PCSK6: variants seen among roughly 807,000 people sequenced by gnomAD.
PCSK6 encodes proprotein convertase subtilisin/kexin type 6, also known as paired basic amino acid cleaving enzyme 4.
PCSK6 carries 85 observed loss-of-function variants against 123.3 expected under a neutral mutation model. The observed-to-expected ratio is 0.69, with a 90% CI of 0.58 to 0.83. PCSK6 has a LOEUF of 0.83. PCSK6 is among the 40% of genes least tolerant of loss of function. The probability of loss-of-function intolerance (pLI) is 0.00; values close to 1 mark genes in which losing one functional copy is unlikely to be tolerated. For synonymous variants in PCSK6, 508 were observed against 516.0 expected, an observed-to-expected ratio of 0.98 and a Z score of 0.21; for missense variants, 1,191 against 1,282.3, an observed-to-expected ratio of 0.93 and a Z score of 1.09.
intron 6 of PCSK6, among the ~76,000 whole-genome samples, chr15:101,415,640 G>C (rs1051351863): frequency 1.3e-5 from 2 of 152,154 alleles, no homozygotes; most frequent in Admixed American, 6.5e-5. Context: ...TGGTTTGGCT[G>C]TGTCCCCACC....
At chr15:101,448,542 C>T (rs888861950) in intron 1 of PCSK6, among the ~76,000 whole-genome samples, 3 of 152,234 alleles carry the variant, frequency 2.0e-5, no homozygotes, top group African/African-American at 7.2e-5. Context: ...ACAGCTGACG[C>T]TTGCTGGGCA....
At chr15:101,453,596 A>C (rs2057093732) in intron 1 of PCSK6, among the ~76,000 whole-genome samples, 1 of 152,162 alleles carries the variant, frequency 6.6e-6, no homozygotes, top group South Asian at 2.1e-4. Flanking sequence ...CGCTCTCCCG[A>C]GTTTTTAATA....
At chr15:101,310,610 C>G (rs1001252769) in intron 20 of PCSK6, among the ~76,000 whole-genome samples, 2 of 152,222 alleles carry the variant, frequency 1.3e-5, no homozygotes, top group Non-Finnish European at 2.9e-5. Flanking sequence ...AAGCGGGTGG[C>G]AAGTTTCCTC....
At chr15:101,310,239 C>T (rs2039824795) in intron 20 of PCSK6, among the ~76,000 whole-genome samples, 1 of 152,232 alleles carries the variant, frequency 6.6e-6, no homozygotes, top group Non-Finnish European at 1.5e-5. Flanking sequence ...GCACTGTCAG[C>T]CTCTGCAGGG....
At chr15:101,476,120 G>A (rs1379879210) in intron 1 of PCSK6, among the ~76,000 whole-genome samples, 1 of 152,130 alleles carries the variant, frequency 6.6e-6, no homozygotes, top group Non-Finnish European at 1.5e-5. Flanking sequence ...CTGTGCTTTT[G>A]TTTCCACATC....
At position 101,398,560 on chromosome 15, in the gene PCSK6, G is replaced by T; in HGVS notation, c.840C>A (p.Asp280Glu). 1 of 1,612,352 alleles carries T rather than the reference G, an allele frequency of 6.2e-7. No homozygotes were observed. The stretch of plus-strand genomic sequence containing the variant: ...CCTCGACCACATCTGTGACATCGCC[G>T]TCCAGCATGCGGATGCCTGAAAGCA... ...NAKIGGIRML[D>E]GDVTDVVEAK... The change falls in exon 7 of 22, where the codon GAC becomes GAA. Residue 280 changes from aspartate to glutamate, a missense_variant. Physicochemically the swap from Asp to Glu is conservative, Grantham distance 45 (BLOSUM62 2). This residue lies in a region of PCSK6 where 357 missense variants were observed against 484.5 expected (regional missense o/e 0.74). Coordinates refer to ENST00000611716, the MANE Select transcript of PCSK6 (RefSeq NM_002570.5). The surrounding 1 kb of genome is among the most constrained non-coding windows in gnomAD (Gnocchi z 4.6).
intron 13 of PCSK6, among the ~76,000 whole-genome samples, chr15:101,357,487 T>G (rs2041076341): frequency 6.6e-6 from 1 of 152,196 alleles, no homozygotes; most frequent in Non-Finnish European, 1.5e-5. Flanking sequence ...TCTGTCACCT[T>G]CCCAGGCTGA....
In PCSK6 at chr15:101,366,256, C is replaced by T. The variant is rs1373301873; in HGVS notation, c.1798G>A (p.Gly600Arg). ...TVHCWGEKAEGQWTLEIQDLP... is the reference protein window; with the variant it reads ...TVHCWGEKAERQWTLEIQDLP... ...TCTTGGATTTCCAAGGTCCACTGCC[C>T]TTCAGCCTTTTCTCCCCAGCAGTGG... Residue 600 changes from glycine (G) to arginine (R), a missense_variant, in exon 13 of 22, where the codon GGG (glycine) becomes AGG (arginine). Gly to Arg is a moderately radical substitution (Grantham distance 125). Around this residue, in one of 3 missense-constraint regions of PCSK6, gnomAD observed 630 missense variants for 631.4 expected, o/e 1.00. Coordinates refer to ENST00000611716, the MANE Select transcript of PCSK6 (RefSeq NM_002570.5). 6.2e-7 allele frequency: 1 copy of T among 1,613,812 alleles called. No individual in the cohort carries two copies. The highest frequency in any genetic ancestry group is 8.5e-7 in the Non-Finnish European group (1 of 1,179,796).
chr15:101,435,831 C>T (rs1251177034), intron 2 of PCSK6, among the ~76,000 whole-genome samples: 1 of 152,196 alleles, frequency 6.6e-6, no homozygotes, highest in Admixed American at 6.5e-5. Flanking sequence ...AGCAGAGACC[C>T]AGGAGGGGGC....
chr15:101,324,002 G>A lies in PCSK6; in HGVS notation c.2377+848C>T, dbSNP rs143570912. On this transcript the variant is annotated intron_variant, in intron 17 of 21. Coordinates refer to ENST00000611716, the MANE Select transcript of PCSK6 (RefSeq NM_002570.5). Reference sequence around the variant, plus strand: ...GCTTTTGTGTCTCCCAGGGCGAGGCGAATTACGAAAACATGGCATGGGGTC... The same window carrying A: ...GCTTTTGTGTCTCCCAGGGCGAGGCAAATTACGAAAACATGGCATGGGGTC... 3.2e-3 allele frequency among the ~76,000 whole-genome samples: 488 copies of A among 152,270 alleles called. 6 individuals carry two copies. Among genetic ancestry groups the A allele is most frequent in the Admixed American group, 0.015 (237 of 15,304 alleles).
chr15:101,315,450 A>G (rs138206726), intron 19 of PCSK6, among the ~76,000 whole-genome samples: 1 of 152,262 alleles, frequency 6.6e-6, no homozygotes, highest in African/African-American at 2.4e-5. Context: ...ACCCACAATC[A>G]TAGCAATAAG....
intron 1 of PCSK6, among the ~76,000 whole-genome samples, chr15:101,473,158 C>A (rs2057647593): frequency 6.6e-6 from 1 of 151,924 alleles, no homozygotes; most frequent in Non-Finnish European, 1.5e-5. Flanking sequence ...CACTGCATAG[C>A]CCTGACCTCC....
At chr15:101,399,695 G>A (rs2042528935) in intron 6 of PCSK6, among the ~76,000 whole-genome samples, 1 of 152,122 alleles carries the variant, frequency 6.6e-6, no homozygotes, top group Non-Finnish European at 1.5e-5. Flanking sequence ...GGTAATGACG[G>A]CCATGGACAC....
chr15:101,326,540 C>T (rs779073362), intron 15 of PCSK6, 61 bp from the exon 16 acceptor site: 145 of 1,434,034 alleles, frequency 1.0e-4, no homozygotes, highest in Middle Eastern at 5.2e-4. Context: ...ACTGCAGTCC[C>T]GCGGATCCCT....
chr15:101,453,700 C>G (rs1487483852), intron 1 of PCSK6, among the ~76,000 whole-genome samples: 1 of 152,186 alleles, frequency 6.6e-6, no homozygotes, highest in Admixed American at 6.5e-5. Context: ...AAGTGGGGAT[C>G]GAGACATTTG....
chr15:101,398,618 G>T lies in PCSK6; in HGVS notation c.824-42C>A, dbSNP rs1016968170. ...GGCTCGGTGTCGGCGCCCAGGCTCCGGGCACACAGCGACGGGAACCCGGGC... is the reference window on the plus strand; with the variant it reads ...GGCTCGGTGTCGGCGCCCAGGCTCCTGGCACACAGCGACGGGAACCCGGGC... On this transcript the variant is annotated intron_variant, in intron 6 of 21. Transcript: ENST00000611716. The surrounding 1 kb of genome is among the most constrained non-coding windows in gnomAD (Gnocchi z 4.6). 9 of 1,584,050 alleles carry T rather than the reference G, an allele frequency of 5.7e-6. No individual in the cohort carries two copies. Among genetic ancestry groups the T allele is most frequent in the African/African-American group, 4.0e-5 (3 of 74,406 alleles).
At chr15:101,446,369 A>T (rs1196566573) in intron 1 of PCSK6, among the ~76,000 whole-genome samples, 2 of 152,240 alleles carry the variant, frequency 1.3e-5, no homozygotes, top group African/African-American at 4.8e-5. Context: ...TTATCTGCAC[A>T]TCTCACATTT....
chr15:101,363,661 G>T (rs111898360), intron 13 of PCSK6, among the ~76,000 whole-genome samples: 1 of 150,250 alleles, frequency 6.7e-6, no homozygotes, highest in Non-Finnish European at 1.5e-5. Context: ...ACGGAGTCTC[G>T]CTCTGTCACC....
In PCSK6 at chr15:101,417,006, G is replaced by A. The variant is rs1353263209; in HGVS notation, c.823+10886C>T. Among the ~76,000 whole-genome samples the A allele has an allele frequency of 4.6e-5, 7 of 152,310 alleles. No individual in the cohort carries two copies. The East Asian group carries it at 1.2e-3, about 25-fold the overall frequency. On this transcript the variant is annotated intron_variant, in intron 6 of 21. Transcript: ENST00000611716. Reference sequence around the variant, plus strand: ...GTCCCTACTGGGGTACTGCCTAGTGGACCTGTGAGAAGAGGGCCACCATCC... The same window carrying A: ...GTCCCTACTGGGGTACTGCCTAGTGAACCTGTGAGAAGAGGGCCACCATCC...
Sources: gnomAD v4.1 joint callset for allele counts (sites outside exome capture counted in the v4.1 genomes callset) on GRCh38, gnomAD v4.1.1 for gene constraint, gnomAD v4.1.1 regional missense constraint, Gnocchi (gnomAD v3.1) non-coding constraint, MANE v1.5 for transcripts, NCBI Gene and HGNC (gene_info 2026-07-23, HGNC 2026-07-21) for gene names.